The following CHIC1 variants were observed in gnomAD, a reference collection of about 807,000 sequenced individuals.
CHIC1 encodes the protein cysteine-rich hydrophobic domain-containing protein 1.
A neutral mutation model predicts 18.5 loss-of-function variants in CHIC1; 7 were observed. The observed-to-expected ratio is 0.38, with a 90% CI of 0.22 to 0.71. The LOEUF (loss-of-function observed/expected upper bound fraction) is 0.71. Among genes scored for constraint, CHIC1 ranks in the 30% least tolerant of loss-of-function variants. The pLI is 0.49. For synonymous variants in CHIC1, 77 were observed against 73.5 expected, an observed-to-expected ratio of 1.05 and a Z score of -0.25; for missense variants, 159 against 176.9, an observed-to-expected ratio of 0.90 and a Z score of 0.57.
Position 73,686,784 on chromosome X carries a change from C to A in CHIC1, c.*5779C>A, listed in dbSNP as rs1203090486. 9.0e-6 allele frequency: 1 copy of A among 111,338 alleles called. No homozygotes were observed. The highest frequency in any genetic ancestry group is 1.9e-5 in the Non-Finnish European group (1 of 52,847). The allele number at this position is 111,338 out of a possible 1,213,427, so 9.2% of individuals were successfully genotyped here. A position where few individuals can be genotyped will look rare whatever the true frequency, so the allele number is the denominator to read the frequency against. On this transcript the variant is annotated 3_prime_UTR_variant, in exon 6 of 6. Coordinates refer to ENST00000373502, the MANE Select transcript of CHIC1 (RefSeq NM_001039840.4). Reference sequence around the variant, plus strand: ...TTGATAAAAATATCTGGTGGAGAAGCCTAGGATTTCAACTTTTTGTCAGAG... The same window carrying A: ...TTGATAAAAATATCTGGTGGAGAAGACTAGGATTTCAACTTTTTGTCAGAG...
At chrX:73,641,405 A>T in intron 3 of CHIC1, among the ~76,000 whole-genome samples, 1 of 110,474 alleles carries the variant, frequency 9.1e-6, no homozygotes. Context: ...TTCTGCCTTG[A>T]TCTAACTGAA....
intron 3 of CHIC1, among the ~76,000 whole-genome samples, chrX:73,636,851 A>G (rs746625730): frequency 9.0e-6 from 1 of 110,889 alleles, no homozygotes; most frequent in East Asian, 2.8e-4. Context: ...ATTACATTGT[A>G]TATACTGTAT....
In CHIC1 at chrX:73,683,003, A is replaced by G. The variant is rs2058105299; in HGVS notation, c.*1998A>G. 1 of 111,308 alleles carries G rather than the reference A, an allele frequency of 9.0e-6. No homozygotes were observed. Among genetic ancestry groups the G allele is most frequent in the African/African-American group, 3.3e-5 (1 of 30,752 alleles). 9.2% of individuals were successfully genotyped at this position (111,308 alleles called of 1,213,427 possible). A position where few individuals can be genotyped will look rare whatever the true frequency, so the allele number is the denominator to read the frequency against. On this transcript the variant is annotated 3_prime_UTR_variant, in exon 6 of 6. Coordinates refer to ENST00000373502, the MANE Select transcript of CHIC1 (RefSeq NM_001039840.4). ...AAATTGCTTTTAAGTGTTGATCCTT[A>G]GAAATCTTATTTTTTTCTATAACCT...
At chrX:73,594,096 T>TC (rs748117104) in intron 3 of CHIC1, among the ~76,000 whole-genome samples, 1 of 111,280 alleles carries the variant, frequency 9.0e-6, no homozygotes, top group East Asian at 2.9e-4. Context: ...GGGTTTTTTT[T>TC]CCCTCTTGAA....
intron 3 of CHIC1, among the ~76,000 whole-genome samples, chrX:73,652,791 C>G (rs1171151670): frequency 8.9e-6 from 1 of 111,922 alleles, no homozygotes; most frequent in Non-Finnish European, 1.9e-5. Flanking sequence ...GGAATGTAAA[C>G]TAGTTCAACC....
intron 3 of CHIC1, among the ~76,000 whole-genome samples, chrX:73,655,532 A>ATG (rs1569504778): frequency 2.1e-4 from 18 of 84,740 alleles, no homozygotes; most frequent in African/African-American, 7.5e-4. Flanking sequence ...TTGTGTATAT[A>ATG]TATATACATA....
In CHIC1 at chrX:73,683,669, A is replaced by C. The variant is rs1378147057; in HGVS notation, c.*2664A>C. The stretch of plus-strand genomic sequence containing the variant: ...AACTTGTGATAGTTTCCAGAGCAAA[A>C]CATGTATTTGCCAAAGTATATAAAT... On this transcript the variant is annotated 3_prime_UTR_variant, in exon 6 of 6. Coordinates refer to ENST00000373502, the MANE Select transcript of CHIC1 (RefSeq NM_001039840.4). 1 of 111,868 alleles carries C rather than the reference A, an allele frequency of 8.9e-6. No homozygotes were observed. The highest frequency in any genetic ancestry group is 1.9e-5 in the Non-Finnish European group (1 of 52,890). 9.2% of individuals were successfully genotyped at this position (111,868 alleles called of 1,213,427 possible).
intron 3 of CHIC1, among the ~76,000 whole-genome samples, chrX:73,601,030 C>A (rs2057645124): frequency 9.3e-6 from 1 of 107,696 alleles, no homozygotes; most frequent in African/African-American, 3.6e-5. Flanking sequence ...TATATATGCA[C>A]CCAGTACAGG....
intron 3 of CHIC1, among the ~76,000 whole-genome samples, chrX:73,602,742 G>A (rs2057657976): frequency 9.2e-6 from 1 of 108,892 alleles, no homozygotes; most frequent in Non-Finnish European, 1.9e-5. Flanking sequence ...TGGCTAGCCA[G>A]TTTTCCCAAC....
intron 1 of CHIC1, 112 bp downstream of exon 1, chrX:73,563,692 G>T (rs183957919): frequency 9.5e-6 from 7 of 739,970 alleles, no homozygotes; most frequent in Non-Finnish European, 1.3e-5. Context: ...TGACTGAGGC[G>T]TACACTTAGG....
intron 3 of CHIC1, among the ~76,000 whole-genome samples, chrX:73,600,995 A>G (rs1378202546): frequency 9.2e-6 from 1 of 108,208 alleles, no homozygotes; most frequent in Non-Finnish European, 1.9e-5. Flanking sequence ...GGATCAATTC[A>G]ACAACAAGAG....
At chrX:73,672,543 G>GT (rs1387782000) in intron 3 of CHIC1, among the ~76,000 whole-genome samples, 2 of 112,364 alleles carry the variant, frequency 1.8e-5, no homozygotes, top group African/African-American at 3.2e-5. Flanking sequence ...TTTTTCAAGT[G>GT]TTTTTTGGCT....
chrX:73,644,290 C>T (rs1300741702), intron 3 of CHIC1, among the ~76,000 whole-genome samples: 2 of 112,044 alleles, frequency 1.8e-5, no homozygotes, highest in African/African-American at 6.5e-5. Flanking sequence ...GTCAGTCTGC[C>T]CCTACTGGGG....
intron 2 of CHIC1, 87 bp downstream of exon 2, chrX:73,577,548 G>T: frequency 1.2e-5 from 9 of 728,308 alleles, no homozygotes; most frequent in Non-Finnish European, 1.5e-5. Flanking sequence ...TTGAATCATT[G>T]TTAATGAAGT....
intron 3 of CHIC1, among the ~76,000 whole-genome samples, chrX:73,670,231 G>A (rs2058023420): frequency 9.0e-6 from 1 of 111,393 alleles, no homozygotes; most frequent in East Asian, 2.8e-4. Flanking sequence ...TCTGTGTGTC[G>A]AGTTATTTCT....
At chrX:73,644,024 G>T (rs1012992973) in intron 3 of CHIC1, among the ~76,000 whole-genome samples, 18 of 111,487 alleles carry the variant, frequency 1.6e-4, no homozygotes, top group Admixed American at 9.5e-5. Context: ...TTTGATGATG[G>T]TGACGTACAG....
At chrX:73,663,834 G>A (rs2057992339) in intron 3 of CHIC1, among the ~76,000 whole-genome samples, 1 of 111,045 alleles carries the variant, frequency 9.0e-6, no homozygotes, top group Non-Finnish European at 1.9e-5. Context: ...CTTTGATCCA[G>A]GGGAAAGGAT....
intron 3 of CHIC1, among the ~76,000 whole-genome samples, chrX:73,627,137 C>CAAAA (rs759306668): frequency 2.1e-4 from 12 of 56,948 alleles, no homozygotes; most frequent in Admixed American, 6.7e-4. Flanking sequence ...TAAGTTCTCC[C>CAAAA]AAAAAAAAAA....
intron 3 of CHIC1, among the ~76,000 whole-genome samples, chrX:73,611,708 C>T (rs1415319443): frequency 3.7e-5 from 4 of 108,199 alleles, no homozygotes; most frequent in Admixed American, 9.7e-5. Flanking sequence ...TAATGATTGC[C>T]ATTCTAACTT....
Sources: gnomAD v4.1 joint callset for allele counts (sites outside exome capture counted in the v4.1 genomes callset) on GRCh38, gnomAD v4.1.1 for gene constraint, MANE v1.5 for transcripts, NCBI Gene and HGNC (gene_info 2026-07-23, HGNC 2026-07-21) for gene names.